PAPSS2: variants seen among roughly 807,000 people sequenced by gnomAD.
PAPSS2 encodes the protein bifunctional 3'-phosphoadenosine 5'-phosphosulfate synthase 2.
PAPSS2 carries 61 observed loss-of-function variants against 66.5 expected under a neutral mutation model. The observed-to-expected ratio is 0.92, with a 90% CI of 0.75 to 1.14. The LOEUF is 1.14. Among genes scored for constraint, PAPSS2 ranks in the 50% most tolerant of loss-of-function variants. The pLI, the probability that PAPSS2 is intolerant of heterozygous loss-of-function variation, is 0.00. For synonymous variants in PAPSS2, 289 were observed against 287.5 expected, an observed-to-expected ratio of 1.01 and a Z score of -0.05; for missense variants, 708 against 789.6, an observed-to-expected ratio of 0.90 and a Z score of 1.24.
chr10:87,688,718 A>G (rs550675118), intron 1 of PAPSS2, among the ~76,000 whole-genome samples: 2 of 152,102 alleles, frequency 1.3e-5, no homozygotes, highest in East Asian at 1.9e-4. Flanking sequence ...CGGCCTCCCA[A>G]AGTGCTGGGA....
intron 1 of PAPSS2, among the ~76,000 whole-genome samples, chr10:87,666,889 C>T (rs1852822256): frequency 6.6e-6 from 1 of 152,062 alleles, no homozygotes; most frequent in Non-Finnish European, 1.5e-5. Context: ...ACCCTCTTTT[C>T]CTCTGAGATC....
chr10:87,700,289 G>C (rs1472265327), intron 1 of PAPSS2, among the ~76,000 whole-genome samples: 1 of 152,116 alleles, frequency 6.6e-6, no homozygotes, highest in Non-Finnish European at 1.5e-5. Flanking sequence ...TTTTATGTTC[G>C]CAACAAAACT....
intron 8 of PAPSS2, among the ~76,000 whole-genome samples, chr10:87,723,290 T>C (rs1256907467): frequency 6.6e-6 from 1 of 152,204 alleles, no homozygotes; most frequent in African/African-American, 2.4e-5. Context: ...TTTGTTAGCC[T>C]CTCTCCCTTT....
At chr10:87,708,587 C>A (rs1853423338) in intron 1 of PAPSS2, among the ~76,000 whole-genome samples, 1 of 152,080 alleles carries the variant, frequency 6.6e-6, no homozygotes, top group Non-Finnish European at 1.5e-5. Flanking sequence ...GGAGAACATG[C>A]ATTCACTGAA....
At chr10:87,710,940 T>A (rs1031452756) in intron 2 of PAPSS2, among the ~76,000 whole-genome samples, 12 of 152,208 alleles carry the variant, frequency 7.9e-5, no homozygotes, top group African/African-American at 2.9e-4. Context: ...GAGGCAGAAG[T>A]TGCAGGGAGC....
intron 2 of PAPSS2, among the ~76,000 whole-genome samples, chr10:87,710,093 A>G (rs1196476286): frequency 6.6e-6 from 1 of 152,234 alleles, no homozygotes; most frequent in Non-Finnish European, 1.5e-5. Context: ...CAGTTTTCAA[A>G]TGGAATGAGC....
intron 11 of PAPSS2, 135 bp from the exon 12 acceptor site, chr10:87,744,867 C>T: frequency 1.3e-6 from 1 of 750,904 alleles, no homozygotes; most frequent in South Asian, 1.5e-5. Flanking sequence ...CTTAGAACCT[C>T]AGTGATTTTC....
At chr10:87,684,378 A>T (rs1314564602) in intron 1 of PAPSS2, among the ~76,000 whole-genome samples, 2 of 152,200 alleles carry the variant, frequency 1.3e-5, no homozygotes, top group Non-Finnish European at 2.9e-5. Flanking sequence ...AAGGTAAGCT[A>T]TATTTCTCAG....
intron 1 of PAPSS2, 63 bp from the exon 2 acceptor site, chr10:87,709,133 G>C (rs1418547873): frequency 1.9e-6 from 2 of 1,026,530 alleles, no homozygotes; most frequent in Non-Finnish European, 3.1e-6. Context: ...ATTTATATTG[G>C]CTCCAGTGAA....
At chr10:87,706,084 G>GTATATATATATATATATATATATATATA (rs532950801) in intron 1 of PAPSS2, among the ~76,000 whole-genome samples, 18 of 60,152 alleles carry the variant, frequency 3.0e-4, no homozygotes, top group Admixed American at 1.2e-3. Flanking sequence ...TCTTCACATG[G>GTATATATATATATATATATATATATATA]TATATATATA....
At chr10:87,725,917 A>AT (rs1853654078) in intron 8 of PAPSS2, among the ~76,000 whole-genome samples, 1 of 151,728 alleles carries the variant, frequency 6.6e-6, no homozygotes, top group African/African-American at 2.4e-5. Context: ...ACACACACAT[A>AT]TTTTTTGGTA....
chr10:87,741,570 T>A (rs1161628132), intron 10 of PAPSS2, among the ~76,000 whole-genome samples, 200 bp downstream of exon 10: 1 of 152,150 alleles, frequency 6.6e-6, no homozygotes, highest in East Asian at 1.9e-4. Context: ...AATTTTTGTA[T>A]TTTTAGTAGA....
intron 1 of PAPSS2, among the ~76,000 whole-genome samples, chr10:87,701,388 CTTTCTTTCTCTT>C (rs1853312283): frequency 8.6e-5 from 7 of 81,830 alleles, no homozygotes; most frequent in Admixed American, 5.1e-4. Context: ...TTCTTTCTTT[CTTTCTTTCTCTT>C]TCTTTCTCTC....
chr10:87,692,471 A>G (rs537840525), intron 1 of PAPSS2, among the ~76,000 whole-genome samples: 1 of 152,326 alleles, frequency 6.6e-6, no homozygotes, highest in South Asian at 2.1e-4. Flanking sequence ...GAATATGGCA[A>G]GGAGTCTATG....
chr10:87,667,360 G>A (rs1028677969), intron 1 of PAPSS2, among the ~76,000 whole-genome samples: 2 of 152,072 alleles, frequency 1.3e-5, no homozygotes, highest in African/African-American at 2.4e-5. Context: ...AGGCTGAGGT[G>A]GGATCGCCCC....
At chr10:87,665,958 AT>A (rs998167034) in intron 1 of PAPSS2, among the ~76,000 whole-genome samples, 9 of 132,160 alleles carry the variant, frequency 6.8e-5, no homozygotes, top group Non-Finnish European at 1.1e-4. Flanking sequence ...TGTTGTTTTA[AT>A]TTTTTTTTCT....
At chr10:87,701,434 T>TCTCTC (rs1853315799) in intron 1 of PAPSS2, among the ~76,000 whole-genome samples, 2 of 107,838 alleles carry the variant, frequency 1.9e-5, no homozygotes, top group East Asian at 3.7e-4. Flanking sequence ...CTCTCTCTCT[T>TCTCTC]TCTTTCAGAC....
At chr10:87,730,387 G>A (rs144900136) in intron 9 of PAPSS2, among the ~76,000 whole-genome samples, 3,969 of 152,290 alleles carry the variant, frequency 0.026, 79 homozygotes, top group Non-Finnish European at 0.044. Context: ...GGTAAGACAG[G>A]TTATGGGAGG....
intron 1 of PAPSS2, chr10:87,661,130 G>T (rs1039035355): frequency 2.7e-6 from 1 of 376,520 alleles, no homozygotes; most frequent in Non-Finnish European, 5.1e-6. Context: ...GTGGTGGGCC[G>T]GGGAGAGGTT....
Sources: allele counts gnomAD v4.1 joint callset (sites outside exome capture counted in the v4.1 genomes callset), GRCh38; gene constraint gnomAD v4.1.1; transcripts MANE v1.5; gene names NCBI Gene and HGNC (gene_info 2026-07-23, HGNC 2026-07-21).